The following NCALD variants were observed in gnomAD, a reference collection of about 807,000 sequenced individuals.
The protein encoded by NCALD is neurocalcin delta, also known as neurocalcin-delta.
Under a neutral mutation model 18.6 loss-of-function variants are expected in NCALD, and 10 were observed. The ratio of observed to expected loss-of-function variants is 0.54; its 90% CI spans 0.33 to 0.91. The LOEUF (loss-of-function observed/expected upper bound fraction) is 0.91. Among genes scored for constraint, NCALD ranks in the 40% least tolerant of loss-of-function variants. The pLI is 0.03. For missense variants in NCALD, 184 were observed against 247.6 expected (o/e 0.74, Z 1.72); for synonymous variants, 88 against 87.4 (o/e 1.01, Z -0.04).
intron 3 of NCALD, among the ~76,000 whole-genome samples, chr8:101,906,073 G>A (rs1278797900): frequency 6.6e-6 from 1 of 152,086 alleles, no homozygotes; most frequent in Non-Finnish European, 1.5e-5. Context: ...TCAATTATGG[G>A]TGATGTCAAG....
At chr8:102,046,797 C>CTTTTTTTTTTTTTTT (rs111776091) in intron 1 of NCALD, among the ~76,000 whole-genome samples, 1 of 142,430 alleles carries the variant, frequency 7.0e-6, no homozygotes. Context: ...GTTTTTTTTC[C>CTTTTTTTTTTTTTTT]TTTTTTTTTT....
intron 1 of NCALD, among the ~76,000 whole-genome samples, chr8:101,770,387 G>C (rs1468371204): frequency 6.6e-6 from 1 of 152,166 alleles, no homozygotes; most frequent in Non-Finnish European, 1.5e-5. Flanking sequence ...TCAGTAGCAA[G>C]ATTATTGTAA....
At chr8:102,113,857 A>G (rs1182420106) in intron 1 of NCALD, among the ~76,000 whole-genome samples, 1 of 152,268 alleles carries the variant, frequency 6.6e-6, no homozygotes, top group Non-Finnish European at 1.5e-5. Context: ...CAATTTCAGA[A>G]CAATCTACTT....
intron 3 of NCALD, chr8:101,690,600 T>TA: frequency 1.0e-6 from 1 of 985,274 alleles, no homozygotes; most frequent in East Asian, 1.1e-4. Flanking sequence ...CCAACAAACA[T>TA]ATCTTCTCCT....
At chr8:102,099,523 T>C (rs1045519240) in intron 1 of NCALD, among the ~76,000 whole-genome samples, 18 of 152,150 alleles carry the variant, frequency 1.2e-4, no homozygotes, top group Non-Finnish European at 2.5e-4. Flanking sequence ...AGATATACAA[T>C]TGATCCTTAA....
intron 1 of NCALD, among the ~76,000 whole-genome samples, chr8:102,034,096 A>ATT (rs1397939698): frequency 6.6e-6 from 1 of 151,574 alleles, no homozygotes; most frequent in Non-Finnish European, 1.5e-5. Context: ...AACTATGTGT[A>ATT]TTTTCTTCCT....
intron 1 of NCALD, among the ~76,000 whole-genome samples, chr8:101,787,526 G>T (rs149497145): frequency 1.3e-5 from 2 of 152,104 alleles, no homozygotes. Context: ...GGGCTGTGAC[G>T]GCAGCTGACC....
chr8:101,903,765 G>A (rs1431182971), intron 3 of NCALD, among the ~76,000 whole-genome samples: 1 of 152,190 alleles, frequency 6.6e-6, no homozygotes, highest in Non-Finnish European at 1.5e-5. Context: ...GATTGTGGCT[G>A]TTTTCTTCCT....
At chr8:101,858,374 A>C (rs1815405265) in intron 4 of NCALD, among the ~76,000 whole-genome samples, 1 of 152,186 alleles carries the variant, frequency 6.6e-6, no homozygotes, top group Non-Finnish European at 1.5e-5. Flanking sequence ...TCTGAAAATA[A>C]AGGTGAGAGG....
intron 2 of NCALD, among the ~76,000 whole-genome samples, chr8:101,998,995 G>C (rs1248685371): frequency 6.8e-6 from 1 of 146,348 alleles, no homozygotes; most frequent in Non-Finnish European, 1.5e-5. Context: ...GCAAATTACA[G>C]CTAATATTCC....
intron 2 of NCALD, among the ~76,000 whole-genome samples, chr8:101,939,416 C>T (rs1310168334): frequency 2.0e-5 from 3 of 152,154 alleles, no homozygotes; most frequent in Non-Finnish European, 2.9e-5. Context: ...TGTACATGAA[C>T]CCGTGGCAAG....
chr8:101,886,829 T>TA (rs1456682959), intron 4 of NCALD, among the ~76,000 whole-genome samples: 2 of 152,206 alleles, frequency 1.3e-5, no homozygotes, highest in Non-Finnish European at 2.9e-5. Context: ...GCCAGGTTTT[T>TA]ACTCCATTAT....
intron 1 of NCALD, among the ~76,000 whole-genome samples, chr8:101,756,729 A>G (rs1810898005): frequency 6.6e-6 from 1 of 152,256 alleles, no homozygotes; most frequent in African/African-American, 2.4e-5. Flanking sequence ...CACCAGTTAC[A>G]AATGCACCTG....
At chr8:101,721,083 C>T (rs548157838) in intron 1 of NCALD, 2 of 152,074 alleles carry the variant, frequency 1.3e-5, no homozygotes, top group South Asian at 4.2e-4. Flanking sequence ...TCCTAATTCC[C>T]AAGGTATATG....
At chr8:101,823,219 G>A (rs1813793486) in intron 4 of NCALD, among the ~76,000 whole-genome samples, 1 of 152,188 alleles carries the variant, frequency 6.6e-6, no homozygotes, top group Non-Finnish European at 1.5e-5. Flanking sequence ...CATGTAGAAT[G>A]TAAAATTCTT....
intron 4 of NCALD, among the ~76,000 whole-genome samples, chr8:101,875,744 G>A (rs541656269): frequency 6.6e-6 from 1 of 152,332 alleles, no homozygotes; most frequent in South Asian, 2.1e-4. Flanking sequence ...ACTGCATGAG[G>A]AAGATGTCCA....
intron 1 of NCALD, among the ~76,000 whole-genome samples, chr8:102,021,038 C>T (rs1220462734): frequency 1.3e-5 from 2 of 152,178 alleles, no homozygotes; most frequent in East Asian, 1.9e-4. Context: ...CTACACTTGA[C>T]CATCTTAAGC....
chr8:101,725,419 GT>G (rs1816529912), intron 1 of NCALD, among the ~76,000 whole-genome samples: 1 of 152,270 alleles, frequency 6.6e-6, no homozygotes, highest in African/African-American at 2.4e-5. Context: ...TTCCCTTCTG[GT>G]GAGAGCTGCT....
chr8:101,984,472 A>C lies in NCALD; in HGVS notation c.-157+35765T>G, dbSNP rs796255608. On this transcript the variant is annotated intron_variant, in intron 2 of 6. Coordinates refer to the NCALD transcript ENST00000311028. ...AGGACAACTGACTAATAAATGTTGAAGCTCTGAAGCAAAAAGCATTTGCTT... is the reference window on the plus strand; with the variant it reads ...AGGACAACTGACTAATAAATGTTGACGCTCTGAAGCAAAAAGCATTTGCTT... Among the ~76,000 whole-genome samples the C allele has an allele frequency of 7.0e-4, 106 of 152,312 alleles. 1 individual carries two copies. The highest frequency in any genetic ancestry group is 2.4e-3 in the African/African-American group (99 of 41,548).
Sources: gnomAD v4.1 joint callset for allele counts (sites outside exome capture counted in the v4.1 genomes callset) on GRCh38, gnomAD v4.1.1 for gene constraint, MANE v1.5 for transcripts, NCBI Gene and HGNC (gene_info 2026-07-23, HGNC 2026-07-21) for gene names.